Variants in LINGO2 observed in about 807,000 individuals in gnomAD.
The protein encoded by LINGO2 is leucine rich repeat and Ig domain containing 2, also known as leucine-rich repeat and immunoglobulin-like domain-containing nogo receptor-interacting protein 2.
A neutral mutation model predicts 30.6 loss-of-function variants in LINGO2; 14 were observed. The observed-to-expected ratio is 0.46, with a 90% CI of 0.30 to 0.72. The LOEUF (loss-of-function observed/expected upper bound fraction) is 0.72. Among genes scored for constraint, LINGO2 ranks in the 30% least tolerant of loss-of-function variants. The pLI, the probability that LINGO2 is intolerant of heterozygous loss-of-function variation, is 0.07. For synonymous variants in LINGO2, 317 were observed against 288.5 expected (o/e 1.10, Z -1.00); for missense variants, 729 against 751.7 (o/e 0.97, Z 0.35).
Position 28,021,470 on chromosome 9 carries a change from G to A in LINGO2, c.-86-9065C>T, listed in dbSNP as rs544293797. Reference sequence around the variant, plus strand: ...TCAGAAGAATGTATATTTTCCTGTTGCTGGATGCCATATTCTATAAATGTC... The same window carrying A: ...TCAGAAGAATGTATATTTTCCTGTTACTGGATGCCATATTCTATAAATGTC... On this transcript the variant is annotated intron_variant, in intron 4 of 5. Transcript: ENST00000379992. Among the ~76,000 whole-genome samples the A allele has an allele frequency of 4.6e-5, 7 of 152,130 alleles. No individual in the cohort carries two copies. In the East Asian group the frequency reaches 1.4e-3, roughly 29 times the overall value.
rs1444281848 is a variant in LINGO2, at chr9:28,365,598, A to G, written c.-246+7238T>C. ...TGAGTAGGCAGTTAAAGGGACCTGGAAAAAAACAAAACAGGGAACACGAAG... is the reference window on the plus strand; with the variant it reads ...TGAGTAGGCAGTTAAAGGGACCTGGGAAAAAACAAAACAGGGAACACGAAG... On this transcript the variant is annotated intron_variant, in intron 3 of 5. Transcript: ENST00000379992. 2.6e-5 allele frequency among the ~76,000 whole-genome samples: 4 copies of G among 152,118 alleles called. No individual in the cohort carries two copies. In the South Asian group the frequency reaches 8.3e-4, roughly 32 times the overall value.
chr9:28,872,542 A>C, the LINGO2 span, among the ~76,000 whole-genome samples: 8 of 152,184 alleles, frequency 5.3e-5, no homozygotes, highest in African/African-American at 1.7e-4. Context: ...TTTCTGAATC[A>C]GTTGTTTCAC....
At chr9:28,453,103 T>C (rs1824712692) in intron 2 of LINGO2, among the ~76,000 whole-genome samples, 1 of 151,946 alleles carries the variant, frequency 6.6e-6, no homozygotes, top group Non-Finnish European at 1.5e-5. Flanking sequence ...CAATATATAA[T>C]GTACCATAAA....
At chr9:28,313,927 T>C (rs1365961518) in intron 3 of LINGO2, among the ~76,000 whole-genome samples, 1 of 151,912 alleles carries the variant, frequency 6.6e-6, no homozygotes, top group Non-Finnish European at 1.5e-5. Flanking sequence ...CTGTGACCAG[T>C]GAGAATTGAT....
chr9:28,799,214 G>A, the LINGO2 span, among the ~76,000 whole-genome samples: 1 of 151,974 alleles, frequency 6.6e-6, no homozygotes, highest in African/African-American at 2.4e-5. Context: ...GAACCAGTAT[G>A]TCAATCATCA....
chr9:28,176,222 CA>C (rs929728192), intron 4 of LINGO2, among the ~76,000 whole-genome samples: 4 of 152,182 alleles, frequency 2.6e-5, no homozygotes, highest in African/African-American at 9.7e-5. Flanking sequence ...TTGATGCTCA[CA>C]AAATCCCTTC....
chr9:28,270,712 T>C (rs895774755), intron 4 of LINGO2, among the ~76,000 whole-genome samples: 2 of 152,112 alleles, frequency 1.3e-5, no homozygotes, highest in African/African-American at 2.4e-5. Context: ...TTTGTGCTTG[T>C]TGGGAAAATA....
At chr9:28,437,977 A>G (rs1163989848) in intron 2 of LINGO2, among the ~76,000 whole-genome samples, 1 of 152,206 alleles carries the variant, frequency 6.6e-6, no homozygotes, top group Non-Finnish European at 1.5e-5. Context: ...TCATACAATA[A>G]TTATCAAACA....
intron 4 of LINGO2, among the ~76,000 whole-genome samples, chr9:28,209,210 T>C (rs1820510447): frequency 6.6e-6 from 1 of 152,064 alleles, no homozygotes; most frequent in Non-Finnish European, 1.5e-5. Context: ...ACATTGACTT[T>C]AGTTTTAACA....
At chr9:28,954,977 A>C in the LINGO2 span, among the ~76,000 whole-genome samples, 1 of 152,132 alleles carries the variant, frequency 6.6e-6, no homozygotes, top group Admixed American at 6.6e-5. Context: ...ATACCGAACC[A>C]ATGTCAAAAA....
intron 1 of LINGO2, among the ~76,000 whole-genome samples, chr9:28,590,412 G>A (rs1271792831): frequency 7.2e-5 from 11 of 151,808 alleles, no homozygotes; most frequent in South Asian, 2.1e-4. Flanking sequence ...TTCATCTGAC[G>A]AAGGGCTAAT....
At chr9:28,869,321 C>G in the LINGO2 span, among the ~76,000 whole-genome samples, 11 of 151,830 alleles carry the variant, frequency 7.2e-5, no homozygotes, top group African/African-American at 2.4e-4. Flanking sequence ...TAGGATCCTA[C>G]AGAAGAAGTG....
the LINGO2 span, among the ~76,000 whole-genome samples, chr9:28,848,028 GAC>G: frequency 1.5e-4 from 11 of 74,524 alleles, 1 homozygote; most frequent in East Asian, 4.4e-3. Flanking sequence ...CACACATATA[GAC>G]ACACACTATA....
intron 1 of LINGO2, among the ~76,000 whole-genome samples, chr9:28,491,588 T>C (rs1314338603): frequency 2.0e-5 from 3 of 152,238 alleles, no homozygotes; most frequent in Non-Finnish European, 4.4e-5. Context: ...TTATTTTAAC[T>C]ATGTTTTTGT....
intron 4 of LINGO2, among the ~76,000 whole-genome samples, chr9:28,022,338 T>C (rs1823169499): frequency 6.6e-6 from 1 of 152,060 alleles, no homozygotes. Flanking sequence ...TATTAAACAG[T>C]TCTTTTATAT....
chr9:29,116,757 T>C, the LINGO2 span, among the ~76,000 whole-genome samples: 1 of 152,124 alleles, frequency 6.6e-6, no homozygotes, highest in Non-Finnish European at 1.5e-5. Flanking sequence ...AATCATCTTT[T>C]CCAGAACAAA....
At chr9:27,979,831 G>T (rs767986489) in intron 5 of LINGO2, among the ~76,000 whole-genome samples, 71 of 152,030 alleles carry the variant, frequency 4.7e-4, no homozygotes, top group Admixed American at 7.9e-4. Context: ...GCTTTCACAG[G>T]AAATAATTAG....
chr9:28,178,855 G>A (rs751715862), intron 4 of LINGO2, among the ~76,000 whole-genome samples: 2 of 152,114 alleles, frequency 1.3e-5, no homozygotes, highest in Non-Finnish European at 2.9e-5. Context: ...ATAGTCCAGT[G>A]TAGCAAAATA....
chr9:28,362,760 C>G (rs183775490), intron 3 of LINGO2, among the ~76,000 whole-genome samples: 1 of 152,036 alleles, frequency 6.6e-6, no homozygotes, highest in African/African-American at 2.4e-5. Context: ...TGAGCCACCA[C>G]GCCCGACCCA....
Sources: gnomAD v4.1 joint callset for allele counts (sites outside exome capture counted in the v4.1 genomes callset) on GRCh38, gnomAD v4.1.1 for gene constraint, MANE v1.5 for transcripts, NCBI Gene and HGNC (gene_info 2026-07-23, HGNC 2026-07-21) for gene names.